Variants in MLIP observed in about 807,000 individuals in gnomAD.
MLIP encodes muscular LMNA-interacting protein.
Under a neutral mutation model 84.8 loss-of-function variants are expected in MLIP, and 79 were observed. The ratio of observed to expected loss-of-function variants is 0.93; its 90% CI spans 0.78 to 1.12. The LOEUF (loss-of-function observed/expected upper bound fraction) is 1.12, where lower values mean the gene tolerates loss of function less well. Among genes scored for constraint, MLIP ranks in the 50% most tolerant of loss-of-function variants. MLIP has a pLI of 0.00. For synonymous variants in MLIP, 504 were observed against 463.0 expected, an observed-to-expected ratio of 1.09 and a Z score of -1.14; for missense variants, 1,257 against 1,160.6, an observed-to-expected ratio of 1.08 and a Z score of -1.21.
chr6:54,100,708 T>C (rs952326292), intron 1 of MLIP, among the ~76,000 whole-genome samples: 7 of 152,144 alleles, frequency 4.6e-5, no homozygotes, highest in African/African-American at 1.7e-4. Context: ...AACCATTCAT[T>C]CATTCAACAA....
At chr6:54,149,199 G>T in intron 5 of MLIP, 72 bp downstream of exon 5, 1 of 1,367,210 alleles carries the variant, frequency 7.3e-7, no homozygotes, top group East Asian at 2.4e-5. Flanking sequence ...TAAAATTTCT[G>T]TTGGGAAGAT....
intron 9 of MLIP, among the ~76,000 whole-genome samples, chr6:54,179,645 C>G (rs2150630650): frequency 6.6e-6 from 1 of 152,128 alleles, no homozygotes; most frequent in African/African-American, 2.4e-5. Context: ...GATGACAACA[C>G]TTGACACTAA....
chr6:54,083,390 T>C, intron 1 of MLIP: 1 of 1,318,350 alleles, frequency 7.6e-7, no homozygotes, highest in Non-Finnish European at 1.0e-6. Context: ...CTATTTCCAG[T>C]CCAGAGTTGT....
At chr6:54,195,462 A>G (rs980564652) in intron 10 of MLIP, among the ~76,000 whole-genome samples, 1 of 151,974 alleles carries the variant, frequency 6.6e-6, no homozygotes, top group African/African-American at 2.4e-5. Flanking sequence ...TGCTGTAAAA[A>G]CCCATTATTT....
chr6:54,023,311 G>A (rs74557518), intron 1 of MLIP, among the ~76,000 whole-genome samples: 4,339 of 151,670 alleles, frequency 0.029, 212 homozygotes, highest in African/African-American at 0.1. Flanking sequence ...GAGTAAAAAA[G>A]CAACTCTTTG....
chr6:54,030,742 A>G (rs1399577733), intron 1 of MLIP: 3 of 152,198 alleles, frequency 2.0e-5, no homozygotes, highest in African/African-American at 7.2e-5. Flanking sequence ...ATCTGCAGAC[A>G]GGACTATAAA....
At chr6:54,154,855 G>A (rs1036865114) in intron 5 of MLIP, among the ~76,000 whole-genome samples, 1 of 152,140 alleles carries the variant, frequency 6.6e-6, no homozygotes, top group Non-Finnish European at 1.5e-5. Context: ...AATTCCTTGA[G>A]CTACTGAAAG....
At chr6:54,163,161 T>C (rs1774831124) in intron 8 of MLIP, among the ~76,000 whole-genome samples, 1 of 152,032 alleles carries the variant, frequency 6.6e-6, no homozygotes, top group African/African-American at 2.4e-5. Flanking sequence ...ATTTCTTAAC[T>C]TAAGGTTTTT....
At chr6:54,165,812 A>C (rs1381197265) in intron 8 of MLIP, among the ~76,000 whole-genome samples, 1 of 151,938 alleles carries the variant, frequency 6.6e-6, no homozygotes. Context: ...GTTGAAATAT[A>C]TGAAGGTATT....
At chr6:54,207,394 T>C (rs1217124554) in intron 11 of MLIP, among the ~76,000 whole-genome samples, 1 of 150,654 alleles carries the variant, frequency 6.6e-6, no homozygotes, top group Non-Finnish European at 1.5e-5. Flanking sequence ...TACACAGAAT[T>C]TCCATCACCT....
intron 1 of MLIP, among the ~76,000 whole-genome samples, chr6:54,115,287 T>C (rs1419730650): frequency 6.6e-6 from 1 of 152,100 alleles, no homozygotes. Flanking sequence ...GATGATGATA[T>C]AAAGGAGGAC....
In MLIP at chr6:54,189,919, G is replaced by T. The variant is rs749125605; in HGVS notation, c.2589+5G>T. 94 of 1,595,918 alleles carry T rather than the reference G, an allele frequency of 5.9e-5. No individual in the cohort carries two copies. The highest frequency in any genetic ancestry group is 7.7e-5 in the Non-Finnish European group (90 of 1,164,668). On this transcript the variant is annotated splice_donor_5th_base_variant and intron_variant, in intron 10 of 13. Transcript: ENST00000502396. The stretch of plus-strand genomic sequence containing the variant: ...ACAGTATCTGAGAGTCAGCTGGTAT[G>T]TATCTTCTAAGTCACAGATCTACTG...
At chr6:54,083,706 A>G (rs1174551102) in intron 1 of MLIP, 19 of 1,406,226 alleles carry the variant, frequency 1.4e-5, no homozygotes, top group Non-Finnish European at 1.7e-5. Context: ...CTGTCTTTGT[A>G]TTTCTTATTT....
At chr6:54,045,152 C>A (rs899536068) in intron 1 of MLIP, among the ~76,000 whole-genome samples, 3 of 151,906 alleles carry the variant, frequency 2.0e-5, no homozygotes, top group African/African-American at 7.3e-5. Context: ...GGTTTGAGAA[C>A]AGCCTGGCCA....
At chr6:54,118,239 AG>A (rs2150424153) in intron 1 of MLIP, among the ~76,000 whole-genome samples, 1 of 152,350 alleles carries the variant, frequency 6.6e-6, no homozygotes, top group Admixed American at 6.5e-5. Flanking sequence ...ACAAAGCTGG[AG>A]GGATCACACT....
At chr6:54,027,648 G>A (rs4715437) in intron 1 of MLIP, among the ~76,000 whole-genome samples, 149,661 of 152,236 alleles carry the variant, frequency 0.98, 73,635 homozygotes, top group East Asian at 1. Context: ...TTACATTAAG[G>A]AAAATGAGGG....
intron 1 of MLIP, among the ~76,000 whole-genome samples, chr6:54,091,730 A>G (rs1283676419): frequency 1.3e-5 from 2 of 152,164 alleles, no homozygotes; most frequent in Non-Finnish European, 2.9e-5. Flanking sequence ...AGTTCCTAGG[A>G]TCTATTGTCA....
At chr6:54,191,830 T>G (rs1010970199) in intron 10 of MLIP, among the ~76,000 whole-genome samples, 2 of 152,034 alleles carry the variant, frequency 1.3e-5, no homozygotes, top group Non-Finnish European at 2.9e-5. Context: ...TATATGGAAA[T>G]GAATGTTTTA....
At chr6:54,169,809 A>G (rs1247805075) in intron 9 of MLIP, among the ~76,000 whole-genome samples, 3 of 151,698 alleles carry the variant, frequency 2.0e-5, no homozygotes, top group African/African-American at 4.8e-5. Context: ...TTAGCTAAAT[A>G]GAACTGCCAC....
Sources: allele counts gnomAD v4.1 joint callset (sites outside exome capture counted in the v4.1 genomes callset), GRCh38; gene constraint gnomAD v4.1.1; transcripts MANE v1.5; gene names NCBI Gene and HGNC (gene_info 2026-07-23, HGNC 2026-07-21).